The following SLC44A1 variants were observed in gnomAD, a reference collection of about 807,000 sequenced individuals.
The protein encoded by SLC44A1 is choline transporter-like protein 1.
Under a neutral mutation model 79.3 loss-of-function variants are expected in SLC44A1, and 26 were observed. That is an observed-to-expected ratio of 0.33 (90% CI 0.24 to 0.46). The LOEUF (loss-of-function observed/expected upper bound fraction) is 0.46. Among genes scored for constraint, SLC44A1 ranks in the 20% least tolerant of loss-of-function variants. The pLI is 1.00. For synonymous variants in SLC44A1, 263 were observed against 286.2 expected (o/e 0.92, Z 0.82); for missense variants, 688 against 798.1 (o/e 0.86, Z 1.66).
chr9:105,391,291 C>T lies in SLC44A1; in HGVS notation c.*2235C>T, dbSNP rs528777317. On this transcript the variant is annotated 3_prime_UTR_variant, in exon 16 of 16. Transcript: ENST00000374720. ...GCTACCAGGAATGCTTTCTAATTAT[C>T]ATTTGCAACTAGAACTGTAATCAGA... is the stretch of plus-strand genomic sequence containing the variant. The T allele has an allele frequency of 4.1e-6, 4 of 985,778 alleles. No homozygotes were observed. The East Asian group carries it at 4.5e-4, about 112-fold the overall frequency. 61.1% of individuals were successfully genotyped at this position (985,778 alleles called of 1,614,324 possible).
At chr9:105,276,390 T>A (rs1326669261) in intron 1 of SLC44A1, among the ~76,000 whole-genome samples, 1 of 152,148 alleles carries the variant, frequency 6.6e-6, no homozygotes, top group Non-Finnish European at 1.5e-5. Flanking sequence ...GTAAGTAGTT[T>A]TTGAGATTTC....
intron 12 of SLC44A1, among the ~76,000 whole-genome samples, chr9:105,371,680 C>G (rs1474487616): frequency 1.5e-5 from 2 of 135,150 alleles, no homozygotes; most frequent in African/African-American, 2.8e-5. Flanking sequence ...GATCGTGCCT[C>G]TGCACTTCAG....
intron 8 of SLC44A1, 138 bp from the exon 9 acceptor site, chr9:105,362,683 T>TA: frequency 1.9e-6 from 1 of 538,378 alleles, no homozygotes. Flanking sequence ...GAGAGATACT[T>TA]ACTGATAAAG....
intron 1 of SLC44A1, among the ~76,000 whole-genome samples, chr9:105,257,118 C>T (rs894021936): frequency 6.7e-6 from 1 of 149,790 alleles, no homozygotes; most frequent in Non-Finnish European, 1.5e-5. Context: ...TTCTTTGAGA[C>T]GGAGTTTCGC....
intron 4 of SLC44A1, among the ~76,000 whole-genome samples, chr9:105,348,080 A>G (rs183805375): frequency 6.6e-6 from 1 of 152,220 alleles, no homozygotes; most frequent in Non-Finnish European, 1.5e-5. Context: ...CATAAATGTC[A>G]TCTTGCAGAG....
Position 105,244,857 on chromosome 9 carries a change from T to A in SLC44A1, c.-12T>A. 1.8e-6 allele frequency: 2 copies of A among 1,137,514 alleles called. No homozygotes were observed. Among genetic ancestry groups the A allele is most frequent in the South Asian group, 4.2e-5 (1 of 23,582 alleles). The allele number at this position is 1,137,514 out of a possible 1,614,324, so 70.5% of individuals were successfully genotyped here. ...GCGCCCGGCGCCGCCTCCGGGCTCCTTCGGCCCCGCCATGGGCTGCTGCAG... is the reference window on the plus strand; with the variant it reads ...GCGCCCGGCGCCGCCTCCGGGCTCCATCGGCCCCGCCATGGGCTGCTGCAG... On this transcript the variant is annotated 5_prime_UTR_variant, in exon 1 of 16. Transcript: ENST00000374720.
rs1829497675 is a variant in SLC44A1 at position 105,247,974 on chromosome 9, GC to G, written c.36+3071del. Among the ~76,000 whole-genome samples the G allele has an allele frequency of 2.6e-5, 4 of 152,262 alleles. No individual in the cohort carries two copies. In the South Asian group the frequency reaches 8.3e-4, roughly 32 times the overall value. ...GTTCTTTCAGTGGTACCATCAGCTTGCAAAATTGTTCAAGGTTTTCCTTTGC... is the reference window on the plus strand; with the variant it reads ...GTTCTTTCAGTGGTACCATCAGCTTGAAAATTGTTCAAGGTTTTCCTTTGC... On this transcript the variant is annotated intron_variant, in intron 1 of 15. Coordinates refer to ENST00000374720, the MANE Select transcript of SLC44A1 (RefSeq NM_080546.5).
At chr9:105,263,475 A>T (rs1829886106) in intron 1 of SLC44A1, among the ~76,000 whole-genome samples, 1 of 150,758 alleles carries the variant, frequency 6.6e-6, no homozygotes, top group South Asian at 2.1e-4. Flanking sequence ...TCTTTACTTT[A>T]CTTTTATGCT....
chr9:105,256,508 G>C (rs1328330025), intron 1 of SLC44A1, among the ~76,000 whole-genome samples: 1 of 151,168 alleles, frequency 6.6e-6, no homozygotes, highest in Non-Finnish European at 1.5e-5. Flanking sequence ...TCTCCTTTTG[G>C]TTTCATTATG....
In SLC44A1 at chr9:105,356,262, A is replaced by G. The variant is rs1827619714; in HGVS notation, c.551A>G (p.Tyr184Cys). The change falls in exon 6 of 16, where the codon TAT becomes TGT. Residue 184 changes from tyrosine to cysteine, a missense_variant. Tyr to Cys is a radical substitution (Grantham distance 194). Transcript: ENST00000374720. ...HRCAPVNISC[Y>C]AKFAEALITF... ...TGTGCTCCTGTGAACATTTCCTGCT[A>G]TGCCAAGTTTGCAGAGGCCCTGATC... The G allele has an allele frequency of 1.1e-5, 17 of 1,613,604 alleles. No individual in the cohort carries two copies. Among genetic ancestry groups the G allele is most frequent in the Non-Finnish European group, 1.4e-5 (17 of 1,179,738 alleles).
At chr9:105,435,480 G>T (rs562751197) in intron 15 of SLC44A1, among the ~76,000 whole-genome samples, 3 of 152,322 alleles carry the variant, frequency 2.0e-5, no homozygotes, top group East Asian at 3.9e-4. Context: ...GTCACAAGGT[G>T]CATAGTCATG....
At chr9:105,296,692 A>G (rs1830730695) in intron 1 of SLC44A1, among the ~76,000 whole-genome samples, 1 of 152,224 alleles carries the variant, frequency 6.6e-6, no homozygotes, top group South Asian at 2.1e-4. Context: ...GTTTTACTGT[A>G]ATGGGTACTA....
intron 1 of SLC44A1, among the ~76,000 whole-genome samples, chr9:105,247,013 G>A (rs183516090): frequency 4.7e-4 from 71 of 151,990 alleles, no homozygotes; most frequent in African/African-American, 1.7e-3. Context: ...GCTGTCACAT[G>A]CTTTTAAGTT....
At chr9:105,349,638 G>A (rs1170205754) in intron 5 of SLC44A1, among the ~76,000 whole-genome samples, 1 of 152,130 alleles carries the variant, frequency 6.6e-6, no homozygotes, top group Non-Finnish European at 1.5e-5. Context: ...GGCTGTGGGA[G>A]TAAAGAAAAG....
intron 15 of SLC44A1, among the ~76,000 whole-genome samples, chr9:105,421,883 A>C (rs1410349983): frequency 6.6e-6 from 1 of 152,168 alleles, no homozygotes; most frequent in Non-Finnish European, 1.5e-5. Flanking sequence ...CACCGCGCCC[A>C]GCCAGGAATC....
intron 12 of SLC44A1, among the ~76,000 whole-genome samples, chr9:105,372,614 C>T (rs1042552257): frequency 6.6e-6 from 1 of 151,484 alleles, no homozygotes; most frequent in African/African-American, 2.4e-5. Flanking sequence ...TTAAAGAGCA[C>T]CATAATTTAT....
rs537217245 is a variant in SLC44A1 at position 105,263,918 on chromosome 9, C to G, written c.36+19014C>G. 1.2e-4 allele frequency among the ~76,000 whole-genome samples: 19 copies of G among 152,212 alleles called. No homozygotes were observed. The South Asian group carries it at 3.9e-3, about 32-fold the overall frequency. ...TCCCCACCCTCCCCATTTTCTGCTGCCCTGAGACCACCACTTTTAAATCTT... is the reference window on the plus strand; with the variant it reads ...TCCCCACCCTCCCCATTTTCTGCTGGCCTGAGACCACCACTTTTAAATCTT... On this transcript the variant is annotated intron_variant, in intron 1 of 15. Coordinates refer to ENST00000374720, the MANE Select transcript of SLC44A1 (RefSeq NM_080546.5).
At position 105,275,543 on chromosome 9, in the gene SLC44A1, A is replaced by G. The variant is rs566070554; in HGVS notation, c.37-23677A>G. Among the ~76,000 whole-genome samples, 45 of 152,330 alleles carry G rather than the reference A, an allele frequency of 3.0e-4. 1 individual carries two copies. The South Asian group carries it at 9.3e-3, about 32-fold the overall frequency. On this transcript the variant is annotated intron_variant, in intron 1 of 15. Coordinates refer to ENST00000374720, the MANE Select transcript of SLC44A1 (RefSeq NM_080546.5). The stretch of plus-strand genomic sequence containing the variant: ...GGTAAACACAGACAATGAAAGTGTG[A>G]TTCCTTATAAAATTTGTAACCTTCT...
chr9:105,329,371 AGCAGCCAAATTCGGCAGGAG>A (rs907080856), intron 3 of SLC44A1, among the ~76,000 whole-genome samples: 25 of 152,228 alleles, frequency 1.6e-4, no homozygotes, highest in Non-Finnish European at 3.2e-4. Context: ...TGGAGAGGAG[AGCAGCCAAATTCGGCAGGAG>A]GCAGCCAAAT....
Sources: allele counts gnomAD v4.1 joint callset (sites outside exome capture counted in the v4.1 genomes callset), GRCh38; gene constraint gnomAD v4.1.1; transcripts MANE v1.5; gene names NCBI Gene and HGNC (gene_info 2026-07-23, HGNC 2026-07-21).